SLC2A6: variants seen among roughly 807,000 people sequenced by gnomAD.
SLC2A6 encodes the protein solute carrier family 2, facilitated glucose transporter member 6.
A neutral mutation model predicts 47.8 loss-of-function variants in SLC2A6; 39 were observed. That is an observed-to-expected ratio of 0.82 (90% CI 0.63 to 1.07). The LOEUF (loss-of-function observed/expected upper bound fraction) is 1.07, where lower values mean the gene tolerates loss of function less well. Ranked by LOEUF, SLC2A6 falls within the 50% of genes least tolerant of loss-of-function variation. The probability of loss-of-function intolerance (pLI) is 0.00; values close to 1 mark genes in which losing one functional copy is unlikely to be tolerated. For synonymous variants in SLC2A6, 346 were observed against 324.1 expected, an observed-to-expected ratio of 1.07 and a Z score of -0.73; for missense variants, 650 against 707.6, an observed-to-expected ratio of 0.92 and a Z score of 0.92.
Position 133,478,323 on chromosome 9 carries a change from G to C in SLC2A6, c.186C>G (p.Val62=). 3 of 1,614,166 alleles carry C rather than the reference G, an allele frequency of 1.9e-6. No homozygotes were observed. The highest frequency in any genetic ancestry group is 2.5e-6 in the Non-Finnish European group (3 of 1,180,026). The part of the protein sequence containing the change: ...FGYALVYTSP[V]IPALERSLDP... ...CCAAGGAGCGCTCCAGGGCTGGGAT[G>C]ACAGGGGATGTGTAGACCAGGGCAT... The change falls in exon 2 of 10, where the codon GTC becomes GTG. Residue 62 remains valine (V), a synonymous_variant. Coordinates refer to ENST00000371899, the MANE Select transcript of SLC2A6 (RefSeq NM_017585.4).
In SLC2A6 at chr9:133,476,447, T is replaced by C. The variant is rs1304624336; in HGVS notation, c.463-111A>G. 1.1e-5 allele frequency: 10 copies of C among 900,560 alleles called. 1 individual carries two copies. Among genetic ancestry groups the C allele is most frequent in the Non-Finnish European group, 1.8e-5 (10 of 558,766 alleles). 55.8% of individuals were successfully genotyped at this position (900,560 alleles called of 1,614,324 possible). A position where few individuals can be genotyped will look rare whatever the true frequency, so the allele number is the denominator to read the frequency against. On this transcript the variant is annotated intron_variant, in intron 3 of 9. Transcript: ENST00000371899. ...CCCCGGAAAGTGGGAAGTGGAGGCT[T>C]TCTGGTGGGGCTGAGTCCTGGTCAT...
rs782418263 is a variant in SLC2A6 at position 133,474,021 on chromosome 9, G to A, written c.995C>T (p.Thr332Ile). 6.8e-6 allele frequency: 11 copies of A among 1,611,096 alleles called. No individual in the cohort carries two copies. The Admixed American group carries it at 1.7e-4, about 24-fold the overall frequency. ...CACCTTGCGGCCTGCGAGGTCCATG[G>A]TGAGGGCGGCGATCAGCACGGACAG... Reference protein sequence around the residue: ...RLLSVLIAALTMDLAGRKVLL... With the variant: ...RLLSVLIAALIMDLAGRKVLL... The change falls in exon 7 of 10, where the codon ACC (threonine) becomes ATC (isoleucine). Residue 332 changes from threonine to isoleucine, a missense_variant. Physicochemically the swap from Thr to Ile is moderately conservative, Grantham distance 89. Coordinates refer to ENST00000371899, the MANE Select transcript of SLC2A6 (RefSeq NM_017585.4).
At position 133,471,354 on chromosome 9, in the gene SLC2A6, G is replaced by C. The variant is rs1327804310; in HGVS notation, c.*667C>G. On this transcript the variant is annotated 3_prime_UTR_variant, in exon 10 of 10. Transcript: ENST00000371899. ...CAATGCTGCCTCAGCCTCCCAAGTA[G>C]CTGGAACTACGGGTGTGTGCCACCA... 2 of 152,066 alleles carry C rather than the reference G, an allele frequency of 1.3e-5. No individual in the cohort carries two copies. The highest frequency in any genetic ancestry group is 2.9e-5 in the Non-Finnish European group (2 of 68,110). 9.4% of individuals were successfully genotyped at this position (152,066 alleles called of 1,614,324 possible). A position where few individuals can be genotyped will look rare whatever the true frequency, so the allele number is the denominator to read the frequency against.
intron 7 of SLC2A6, 71 bp from the exon 8 acceptor site, chr9:133,473,671 G>T: frequency 7.1e-7 from 1 of 1,403,506 alleles, no homozygotes; most frequent in Non-Finnish European, 9.5e-7. Context: ...AGCTCCTTCT[G>T]CAGAGCCCCT....
Position 133,471,859 on chromosome 9 carries a change from G to A in SLC2A6, c.*162C>T, listed in dbSNP as rs1417985128. ...GCTGGACAGCAGTGCTACCTGTCCC[G>A]AGCCAGGGGCACCCGCTGCTGAGGC... On this transcript the variant is annotated 3_prime_UTR_variant, in exon 10 of 10. Transcript: ENST00000371899. 23 of 801,736 alleles carry A rather than the reference G, an allele frequency of 2.9e-5. No individual in the cohort carries two copies. Among genetic ancestry groups the A allele is most frequent in the African/African-American group, 1.0e-4 (6 of 57,654 alleles). The allele number at this position is 801,736 out of a possible 1,614,324, so 49.7% of individuals were successfully genotyped here.
At position 133,473,107 on chromosome 9, in the gene SLC2A6, C is replaced by T; in HGVS notation, c.1366G>A (p.Val456Met). ...GGGGCCTGGGGCTGAACACTCACCA[C>T]CACTGGCAGGAAGGACTTGGTGAGG... ...FVLTKSFLPVVSTFGLQVPFF... is the reference protein window; with the variant it reads ...FVLTKSFLPVMSTFGLQVPFF... The change falls in exon 9 of 10, where the codon GTG becomes ATG. Residue 456 changes from valine (V) to methionine (M), a missense_variant and splice_region_variant. Physicochemically the swap from Val to Met is conservative, Grantham distance 21. Coordinates refer to ENST00000371899, the MANE Select transcript of SLC2A6 (RefSeq NM_017585.4). 6.2e-7 allele frequency: 1 copy of T among 1,608,968 alleles called. No individual in the cohort carries two copies. The highest frequency in any genetic ancestry group is 8.5e-7 in the Non-Finnish European group (1 of 1,178,628).
chr9:133,475,576 C>T lies in SLC2A6; in HGVS notation c.598G>A (p.Gly200Arg), dbSNP rs782040012. Residue 200 changes from glycine to arginine, a missense_variant, in exon 5 of 10, where the codon GGG (glycine) becomes AGG (arginine). Physicochemically the swap from Gly to Arg is moderately radical, Grantham distance 125 (BLOSUM62 -2). Coordinates refer to ENST00000371899, the MANE Select transcript of SLC2A6 (RefSeq NM_017585.4). The part of the protein sequence containing the change: ...LLPWRWLAVA[G>R]EAPVLIMILL... ...ATCATGATGAGCACAGGCGCCTCCCCGGCCACAGCCAGCCAGCGCCACGGC... is the reference window on the plus strand; with the variant it reads ...ATCATGATGAGCACAGGCGCCTCCCTGGCCACAGCCAGCCAGCGCCACGGC... 2.2e-5 allele frequency: 36 copies of T among 1,605,876 alleles called. No homozygotes were observed. Among genetic ancestry groups the T allele is most frequent in the Non-Finnish European group, 2.8e-5 (33 of 1,178,018 alleles).
At position 133,475,021 on chromosome 9, in the gene SLC2A6, C is replaced by T. The variant is rs371096349; in HGVS notation, c.867G>A (p.Thr289=). ...GGTAGACCAGGATGGGCGTGATGCCCGTCAGCTGCTGCAGGAGGCGCATCA... is the reference window on the plus strand; with the variant it reads ...GGTAGACCAGGATGGGCGTGATGCCTGTCAGCTGCTGCAGGAGGCGCATCA... ...ALLMRLLQQL[T]GITPILVYLQ... The change falls in exon 6 of 10, where the codon ACG becomes ACA. Residue 289 remains threonine, a synonymous_variant. Coordinates refer to ENST00000371899, the MANE Select transcript of SLC2A6 (RefSeq NM_017585.4). 43 of 1,595,718 alleles carry T rather than the reference C, an allele frequency of 2.7e-5. No homozygotes were observed. The highest frequency in any genetic ancestry group is 1.8e-4 in the East Asian group (8 of 43,834).
intron 6 of SLC2A6, 29 bp from the exon 7 acceptor site, chr9:133,474,117 G>A (rs1161343310): frequency 1.3e-6 from 2 of 1,538,204 alleles, no homozygotes; most frequent in South Asian, 1.2e-5. Context: ...CAGGGCTGAG[G>A]GACCTGCCTG....
At chr9:133,474,778 C>T (rs933497963) in intron 6 of SLC2A6, among the ~76,000 whole-genome samples, 183 bp downstream of exon 6, 2 of 152,222 alleles carry the variant, frequency 1.3e-5, no homozygotes, top group Admixed American at 6.5e-5. Flanking sequence ...CAGGTGAAGG[C>T]ACTGGAACTG....
chr9:133,478,328 G>C lies in SLC2A6; in HGVS notation c.181C>G (p.Pro61Ala), dbSNP rs782091902. The C allele has an allele frequency of 6.2e-7, 1 of 1,614,164 alleles. No individual in the cohort carries two copies. Among genetic ancestry groups the C allele is most frequent in the Non-Finnish European group, 8.5e-7 (1 of 1,180,024 alleles). The change falls in exon 2 of 10, where the codon CCT (proline) becomes GCT (alanine). Residue 61 changes from proline (P) to alanine (A), a missense_variant. By Grantham distance (27) the Pro-to-Ala change is conservative (BLOSUM62 -1). Coordinates refer to ENST00000371899, the MANE Select transcript of SLC2A6 (RefSeq NM_017585.4). ...GAGCGCTCCAGGGCTGGGATGACAG[G>C]GGATGTGTAGACCAGGGCATACCCA... ...SFGYALVYTSPVIPALERSLD... is the reference protein window; with the variant it reads ...SFGYALVYTSAVIPALERSLD...
intron 1 of SLC2A6, 184 bp downstream of exon 1, chr9:133,478,784 G>T (rs1844061018): frequency 1.6e-6 from 1 of 606,352 alleles, no homozygotes; most frequent in Non-Finnish European, 2.8e-6. Flanking sequence ...CTCGTGGATC[G>T]TTCCTTCCCT....
At position 133,475,384 on chromosome 9, in the gene SLC2A6, GC is replaced by G. The variant is rs782573015; in HGVS notation, c.774+15del. On this transcript the variant is annotated intron_variant, in intron 5 of 9. Transcript: ENST00000371899. Reference sequence around the variant, plus strand: ...GGAGGTGGGCCTGCCCGGTTCGGGCGCACACCCTCCTGCACCTGTCTCCGGA... The same window carrying G: ...GGAGGTGGGCCTGCCCGGTTCGGGCGACACCCTCCTGCACCTGTCTCCGGA... 32 of 1,572,960 alleles carry G rather than the reference GC, an allele frequency of 2.0e-5. No homozygotes were observed. Among genetic ancestry groups the G allele is most frequent in the Non-Finnish European group, 2.6e-5 (30 of 1,157,286 alleles).
chr9:133,478,303 G>A lies in SLC2A6; in HGVS notation c.206C>T (p.Ser69Phe). Residue 69 changes from serine (S) to phenylalanine (F), a missense_variant, in exon 2 of 10, where the codon TCC (serine) becomes TTC (phenylalanine). Physicochemically the swap from Ser to Phe is radical, Grantham distance 155. Coordinates refer to ENST00000371899, the MANE Select transcript of SLC2A6 (RefSeq NM_017585.4). Reference sequence around the variant, plus strand: ...GGTCAGATGCAGGTCAGGATCCAAGGAGCGCTCCAGGGCTGGGATGACAGG... The same window carrying A: ...GGTCAGATGCAGGTCAGGATCCAAGAAGCGCTCCAGGGCTGGGATGACAGG... ...TSPVIPALERSLDPDLHLTKS... is the reference protein window; with the variant it reads ...TSPVIPALERFLDPDLHLTKS... 6.2e-7 allele frequency: 1 copy of A among 1,614,090 alleles called. No homozygotes were observed. Among genetic ancestry groups the A allele is most frequent in the South Asian group, 1.1e-5 (1 of 91,090 alleles).
chr9:133,472,323 A>G (rs1048133168), intron 9 of SLC2A6, 147 bp from the exon 10 acceptor site: 3 of 900,560 alleles, frequency 3.3e-6, no homozygotes, highest in Non-Finnish European at 4.9e-6. Flanking sequence ...CCCCCACACC[A>G]GGGCTCCCCC....
intron 3 of SLC2A6, chr9:133,476,538 C>T (rs1485430333): frequency 3.3e-6 from 2 of 597,434 alleles, no homozygotes; most frequent in Non-Finnish European, 6.0e-6. Context: ...CTAACTGTGA[C>T]GTGGGTGGAA....
chr9:133,471,540 T>A lies in SLC2A6; in HGVS notation c.*481A>T, dbSNP rs1843713214. Reference sequence around the variant, plus strand: ...GCCCGGCCTGCCCTGGCTTTTTAAGTCCAGGATGTTCCCTGTGGTGCCCAT... The same window carrying A: ...GCCCGGCCTGCCCTGGCTTTTTAAGACCAGGATGTTCCCTGTGGTGCCCAT... On this transcript the variant is annotated 3_prime_UTR_variant, in exon 10 of 10. Coordinates refer to ENST00000371899, the MANE Select transcript of SLC2A6 (RefSeq NM_017585.4). The A allele has an allele frequency of 1.9e-5, 3 of 153,940 alleles. No individual in the cohort carries two copies. The South Asian group carries it at 6.2e-4, about 32-fold the overall frequency. 9.5% of individuals were successfully genotyped at this position (153,940 alleles called of 1,614,324 possible).
chr9:133,476,100 G>A, intron 4 of SLC2A6, 137 bp downstream of exon 4: 2 of 689,052 alleles, frequency 2.9e-6, no homozygotes, highest in Non-Finnish European at 4.8e-6. Context: ...TGACTGAGTG[G>A]GGCCGGGATG....
chr9:133,476,605 G>A (rs1003381852), intron 3 of SLC2A6, among the ~76,000 whole-genome samples: 3 of 152,206 alleles, frequency 2.0e-5, no homozygotes, highest in Admixed American at 2.0e-4. Flanking sequence ...AGGGCTCCCA[G>A]GCTTCAGGGC....
Sources: allele counts gnomAD v4.1 joint callset (sites outside exome capture counted in the v4.1 genomes callset), GRCh38; gene constraint gnomAD v4.1.1; transcripts MANE v1.5; gene names NCBI Gene and HGNC (gene_info 2026-07-23, HGNC 2026-07-21).